SEC24B: variants seen among roughly 807,000 people sequenced by gnomAD.
SEC24B encodes SEC24 homolog B, COPII component.
In SEC24B, 45 loss-of-function variants were observed where a neutral mutation model predicts 142.8. The observed-to-expected ratio is 0.32, with a 90% CI of 0.25 to 0.40. SEC24B has a LOEUF of 0.40. Ranked by LOEUF, SEC24B falls within the 10% of genes least tolerant of loss-of-function variation. The probability of loss-of-function intolerance (pLI) is 1.00; values close to 1 mark genes in which losing one functional copy is unlikely to be tolerated. For synonymous variants in SEC24B, 574 were observed against 568.2 expected (o/e 1.01, Z -0.15); for missense variants, 1,409 against 1,526.8 (o/e 0.92, Z 1.29).
chr4:109,470,860 T>C (rs1732447351), intron 2 of SEC24B, among the ~76,000 whole-genome samples: 3 of 152,168 alleles, frequency 2.0e-5, no homozygotes, highest in Non-Finnish European at 4.4e-5. Flanking sequence ...GTTATTGTTA[T>C]AAAGTTTATA....
chr4:109,487,482 A>G (rs967272301), intron 4 of SEC24B, among the ~76,000 whole-genome samples: 2 of 152,178 alleles, frequency 1.3e-5, no homozygotes, highest in East Asian at 3.9e-4. Context: ...CCAAATTTTG[A>G]AGTTTGTTTT....
At chr4:109,437,768 G>A (rs945852096) in intron 1 of SEC24B, among the ~76,000 whole-genome samples, 10 of 152,296 alleles carry the variant, frequency 6.6e-5, no homozygotes, top group Admixed American at 6.5e-4. Context: ...GGGCCTACAG[G>A]CGCACACCAC....
chr4:109,475,606 A>G (rs1482683194), intron 3 of SEC24B, among the ~76,000 whole-genome samples: 1 of 152,100 alleles, frequency 6.6e-6, no homozygotes, highest in African/African-American at 2.4e-5. Context: ...TTCATCAAAA[A>G]TTTAAATACT....
At chr4:109,518,608 AATTGAGAGAT>A (rs914598612) in intron 11 of SEC24B, among the ~76,000 whole-genome samples, 1 of 152,156 alleles carries the variant, frequency 6.6e-6, no homozygotes, top group Non-Finnish European at 1.5e-5. Flanking sequence ...AGATTTTAAA[AATTGAGAGAT>A]ATTGAGAGAT....
At chr4:109,449,396 C>CTTTTTTTT in intron 1 of SEC24B, 1 of 301,192 alleles carries the variant, frequency 3.3e-6, no homozygotes, top group Non-Finnish European at 6.6e-6. Context: ...GCTAATTTTT[C>CTTTTTTTT]TTTTTTTTTT....
rs953423034 is a variant in SEC24B at position 109,530,299 on chromosome 4, G to T, written c.3087G>T (p.Arg1029=). 1.2e-6 allele frequency: 2 copies of T among 1,612,338 alleles called. No individual in the cohort carries two copies. The highest frequency in any genetic ancestry group is 3.3e-5 in the Admixed American group (2 of 59,866). The change falls in exon 19 of 24, where the codon CGG becomes CGT. Residue 1029 remains arginine (R), a synonymous_variant. Coordinates refer to ENST00000265175, the MANE Select transcript of SEC24B (RefSeq NM_006323.5). The part of the protein sequence containing the change: ...ICLLANMAVD[R]SVSSSLSDAR... ...TTGGTTGCTTTTTAGCTGTGGATCG[G>T]TCCGTTTCATCAAGTCTGTCAGATG... is the stretch of plus-strand genomic sequence containing the variant.
chr4:109,515,922 C>T (rs1722810907), intron 10 of SEC24B, among the ~76,000 whole-genome samples: 1 of 146,110 alleles, frequency 6.8e-6, no homozygotes, highest in African/African-American at 2.5e-5. Flanking sequence ...GAGGCATGTG[C>T]CTGTAGTCCC....
At chr4:109,461,352 G>A (rs537274678) in intron 1 of SEC24B, among the ~76,000 whole-genome samples, 1 of 152,114 alleles carries the variant, frequency 6.6e-6, no homozygotes, top group Non-Finnish European at 1.5e-5. Flanking sequence ...TAAACCTTTT[G>A]AACTTCCAGT....
At chr4:109,526,568 T>G (rs1390197468) in intron 17 of SEC24B, among the ~76,000 whole-genome samples, 169 bp downstream of exon 17, 2 of 152,206 alleles carry the variant, frequency 1.3e-5, no homozygotes, top group Non-Finnish European at 2.9e-5. Flanking sequence ...AACTCTCACT[T>G]TTGCATCTTT....
At chr4:109,485,073 C>T (rs1407840556) in intron 4 of SEC24B, among the ~76,000 whole-genome samples, 1 of 152,026 alleles carries the variant, frequency 6.6e-6, no homozygotes, top group Non-Finnish European at 1.5e-5. Context: ...GACTCACATC[C>T]CGACTTTTCA....
chr4:109,449,400 T>TC, intron 1 of SEC24B: 6 of 330,814 alleles, frequency 1.8e-5, no homozygotes, highest in South Asian at 1.4e-4. Flanking sequence ...ATTTTTCTTT[T>TC]TTTTTTTTTT....
chr4:109,451,973 C>T (rs147035300), intron 1 of SEC24B, among the ~76,000 whole-genome samples: 4 of 151,646 alleles, frequency 2.6e-5, no homozygotes, highest in Non-Finnish European at 4.4e-5. Context: ...AGTATATTTC[C>T]TTTCATTCTT....
chr4:109,521,159 A>G lies in SEC24B; in HGVS notation c.2288A>G (p.Tyr763Cys). 1.3e-6 allele frequency: 2 copies of G among 1,517,074 alleles called. No homozygotes were observed. The highest frequency in any genetic ancestry group is 1.8e-6 in the Non-Finnish European group (2 of 1,096,954). The allele number at this position is 1,517,074 out of a possible 1,614,324, so 94.0% of individuals were successfully genotyped here. ...CCGGATAGTTTACTTGTGAATCTAT[A>G]TGAAAGTAAAGAGGTAAGATTGATT... is the stretch of plus-strand genomic sequence containing the variant. ...PTPDSLLVNLYESKELIKDLL... is the reference protein window; with the variant it reads ...PTPDSLLVNLCESKELIKDLL... Residue 763 changes from tyrosine to cysteine, a missense_variant, in exon 13 of 24, where the codon TAT (tyrosine) becomes TGT (cysteine). Coordinates refer to ENST00000265175, the MANE Select transcript of SEC24B (RefSeq NM_006323.5).
At chr4:109,487,256 A>G (rs1488308528) in intron 4 of SEC24B, among the ~76,000 whole-genome samples, 1 of 152,178 alleles carries the variant, frequency 6.6e-6, no homozygotes, top group Non-Finnish European at 1.5e-5. Context: ...GTGGGCATAC[A>G]GGAAAAGTTT....
chr4:109,457,153 G>T (rs1432335391), intron 1 of SEC24B, among the ~76,000 whole-genome samples: 1 of 152,142 alleles, frequency 6.6e-6, no homozygotes, highest in Non-Finnish European at 1.5e-5. Flanking sequence ...CTGGAGTTTT[G>T]TATACTACAC....
chr4:109,447,874 A>G (rs1367917039), intron 1 of SEC24B, among the ~76,000 whole-genome samples: 1 of 152,224 alleles, frequency 6.6e-6, no homozygotes, highest in Non-Finnish European at 1.5e-5. Context: ...ACAGGGCTGC[A>G]TTCCCTTCTA....
At chr4:109,466,411 T>G (rs1342790886) in intron 2 of SEC24B, among the ~76,000 whole-genome samples, 2 of 152,132 alleles carry the variant, frequency 1.3e-5, no homozygotes, top group East Asian at 1.9e-4. Flanking sequence ...GTTTTGTGTT[T>G]TGTTTTGTTT....
In SEC24B at chr4:109,513,729, C is replaced by A. The variant is rs959173397; in HGVS notation, c.1904-18C>A. The A allele has an allele frequency of 8.5e-6, 12 of 1,413,416 alleles. No homozygotes were observed. The highest frequency in any genetic ancestry group is 1.2e-5 in the Non-Finnish European group (12 of 997,868). 87.6% of individuals were successfully genotyped at this position (1,413,416 alleles called of 1,614,324 possible). ...TACAAATTGTGTCTCTAAATTTGTA[C>A]TGGGACCTCTTATCTAGTTCCTGAA... On this transcript the variant is annotated intron_variant, in intron 9 of 23. Transcript: ENST00000265175.
In SEC24B at chr4:109,512,098, C is replaced by G; in HGVS notation, c.1903+15C>G. On this transcript the variant is annotated intron_variant, in intron 9 of 23. Transcript: ENST00000265175. ...AGTAAACGATGGTGAGTTTTAGATT[C>G]TTAATTGTGTTTTAATCCTATTTTC... 6.3e-7 allele frequency: 1 copy of G among 1,578,844 alleles called. No individual in the cohort carries two copies.
Sources: gnomAD v4.1 joint callset for allele counts (sites outside exome capture counted in the v4.1 genomes callset) on GRCh38, gnomAD v4.1.1 for gene constraint, MANE v1.5 for transcripts, NCBI Gene and HGNC (gene_info 2026-07-23, HGNC 2026-07-21) for gene names.